Variants in DGKB observed in about 807,000 individuals in gnomAD.
The protein encoded by DGKB is 90 kDa diacylglycerol kinase.
Under a neutral mutation model 114.3 loss-of-function variants are expected in DGKB, and 67 were observed. The ratio of observed to expected loss-of-function variants is 0.59; its 90% CI spans 0.48 to 0.72. The LOEUF is 0.72. Among genes scored for constraint, DGKB ranks in the 30% least tolerant of loss-of-function variants. The pLI is 0.00. For synonymous variants in DGKB, 398 were observed against 323.1 expected (o/e 1.23, Z -2.49); for missense variants, 907 against 975.2 (o/e 0.93, Z 0.93).
intron 1 of DGKB, among the ~76,000 whole-genome samples, chr7:14,947,717 T>G (rs1236703728): frequency 6.6e-6 from 1 of 151,596 alleles, no homozygotes; most frequent in African/African-American, 2.4e-5. Context: ...GGGGAAAGAG[T>G]TGCATTAGAT....
chr7:14,652,168 C>G (rs1418837387), intron 13 of DGKB, among the ~76,000 whole-genome samples: 4 of 143,372 alleles, frequency 2.8e-5, no homozygotes, highest in African/African-American at 5.2e-5. Flanking sequence ...TCATATGGAA[C>G]CAAAAAAGAG....
chr7:14,744,622 T>C (rs992526002), intron 4 of DGKB, among the ~76,000 whole-genome samples: 1 of 152,188 alleles, frequency 6.6e-6, no homozygotes, highest in African/African-American at 2.4e-5. Flanking sequence ...CAGAATTCCA[T>C]CAAAAGCAAT....
At chr7:14,183,524 G>T (rs1490380374) in intron 23 of DGKB, among the ~76,000 whole-genome samples, 1 of 152,182 alleles carries the variant, frequency 6.6e-6, no homozygotes, top group African/African-American at 2.4e-5. Flanking sequence ...ACTGTATGGG[G>T]AAGGCTAATA....
intron 3 of DGKB, among the ~76,000 whole-genome samples, chr7:14,755,834 G>T (rs1834791375): frequency 6.6e-6 from 1 of 152,024 alleles, no homozygotes; most frequent in Non-Finnish European, 1.5e-5. Flanking sequence ...AGATCAGAGA[G>T]TGGTTTTGCT....
chr7:14,855,246 A>G (rs1047911444), intron 1 of DGKB, among the ~76,000 whole-genome samples: 2 of 152,170 alleles, frequency 1.3e-5, no homozygotes, highest in Non-Finnish European at 1.5e-5. Flanking sequence ...ATTTAGCAAC[A>G]CTTGGAAATC....
chr7:14,812,278 G>A (rs144886988), intron 2 of DGKB, among the ~76,000 whole-genome samples: 3 of 152,086 alleles, frequency 2.0e-5, no homozygotes, highest in East Asian at 1.9e-4. Context: ...TGAGTCATGG[G>A]CTTTCACTTT....
rs568679211 is a variant in DGKB, at chr7:14,916,160, T to C, written c.-188+58536A>G. ...AACACAGATTAGCTGCCAATACATA[T>C]TGCAAACTCTGAGATAACCCCTAAC... On this transcript the variant is annotated intron_variant, in intron 1 of 4. Coordinates refer to the DGKB transcript ENST00000437998. Among the ~76,000 whole-genome samples, 7 of 151,968 alleles carry C rather than the reference T, an allele frequency of 4.6e-5. No individual in the cohort carries two copies. The South Asian group carries it at 8.3e-4, about 18-fold the overall frequency.
intron 21 of DGKB, among the ~76,000 whole-genome samples, chr7:14,351,330 T>C (rs1011136774): frequency 6.6e-6 from 1 of 152,168 alleles, no homozygotes; most frequent in Non-Finnish European, 1.5e-5. Context: ...CACCAGTGAA[T>C]GAGGAGCGTC....
intron 2 of DGKB, among the ~76,000 whole-genome samples, chr7:14,807,854 C>A (rs1308447072): frequency 6.6e-6 from 1 of 151,968 alleles, no homozygotes; most frequent in Non-Finnish European, 1.5e-5. Flanking sequence ...ATAGCTTTAA[C>A]AATTTTAATA....
chr7:14,969,220 C>G (rs554065548), intron 1 of DGKB, among the ~76,000 whole-genome samples: 4 of 152,234 alleles, frequency 2.6e-5, no homozygotes, highest in Middle Eastern at 3.4e-3. Flanking sequence ...ACTTTCAGAT[C>G]TTGCAAAATA....
At chr7:14,648,635 GC>G (rs1210434101) in intron 13 of DGKB, among the ~76,000 whole-genome samples, 1 of 152,124 alleles carries the variant, frequency 6.6e-6, no homozygotes, top group African/African-American at 2.4e-5. Context: ...ACGGAACAAA[GC>G]TGGATGGAGA....
chr7:14,586,976 T>C (rs1259094382), intron 17 of DGKB, among the ~76,000 whole-genome samples: 6 of 152,176 alleles, frequency 3.9e-5, no homozygotes, highest in Non-Finnish European at 5.9e-5. Flanking sequence ...AAACACAGCA[T>C]ACATTCTGCA....
At chr7:14,932,859 GA>G (rs1393740366) in intron 1 of DGKB, among the ~76,000 whole-genome samples, 1 of 152,072 alleles carries the variant, frequency 6.6e-6, no homozygotes, top group African/African-American at 2.4e-5. Context: ...GAGGCTGGGG[GA>G]AAAAAGAGGC....
intron 20 of DGKB, among the ~76,000 whole-genome samples, chr7:14,561,581 A>G (rs1162720011): frequency 4.6e-5 from 7 of 152,182 alleles, no homozygotes; most frequent in Non-Finnish European, 1.0e-4. Context: ...GATATGGACA[A>G]TAAGATCCAG....
At chr7:14,666,138 G>A (rs1817977679) in intron 13 of DGKB, among the ~76,000 whole-genome samples, 1 of 151,906 alleles carries the variant, frequency 6.6e-6, no homozygotes, top group Non-Finnish European at 1.5e-5. Context: ...AAAGCATGAT[G>A]GCAACGACAC....
chr7:14,855,138 T>G (rs1849939226), intron 1 of DGKB, among the ~76,000 whole-genome samples: 1 of 152,158 alleles, frequency 6.6e-6, no homozygotes, highest in Non-Finnish European at 1.5e-5. Flanking sequence ...TATTTTAAAT[T>G]AGGTCTATCT....
chr7:14,185,771 G>T (rs1295919442), intron 23 of DGKB, among the ~76,000 whole-genome samples: 1 of 152,122 alleles, frequency 6.6e-6, no homozygotes, highest in Non-Finnish European at 1.5e-5. Context: ...TGGGGGAAAG[G>T]ACACCCTTTT....
At chr7:14,529,710 T>G (rs1791242840) in intron 20 of DGKB, among the ~76,000 whole-genome samples, 1 of 151,810 alleles carries the variant, frequency 6.6e-6, no homozygotes. Flanking sequence ...TTTGACATAG[T>G]GTTAATATCA....
intron 13 of DGKB, among the ~76,000 whole-genome samples, chr7:14,650,867 A>C (rs1814304708): frequency 1.3e-5 from 2 of 151,822 alleles, no homozygotes; most frequent in Admixed American, 1.3e-4. Flanking sequence ...TAATACAAAC[A>C]CCTCTACGCA....
Sources: allele counts gnomAD v4.1 joint callset (sites outside exome capture counted in the v4.1 genomes callset), GRCh38; gene constraint gnomAD v4.1.1; transcripts MANE v1.5; gene names NCBI Gene and HGNC (gene_info 2026-07-23, HGNC 2026-07-21).